The following RBFOX2 variants were observed in gnomAD, a reference collection of about 807,000 sequenced individuals.
RBFOX2 encodes the protein RNA binding protein fox-1 homolog 2.
Under a neutral mutation model 49.1 loss-of-function variants are expected in RBFOX2, and 10 were observed. That is an observed-to-expected ratio of 0.20 (90% CI 0.13 to 0.35). The LOEUF (loss-of-function observed/expected upper bound fraction) is 0.35. Among genes scored for constraint, RBFOX2 ranks in the 10% least tolerant of loss-of-function variants. The pLI, the probability that RBFOX2 is intolerant of heterozygous loss-of-function variation, is 1.00. For synonymous variants in RBFOX2, 183 were observed against 187.4 expected (o/e 0.98, Z 0.19); for missense variants, 323 against 486.9 (o/e 0.66, Z 3.17).
At chr22:35,854,487 C>T (rs1001593406) in intron 1 of RBFOX2, among the ~76,000 whole-genome samples, 1 of 151,490 alleles carries the variant, frequency 6.6e-6, no homozygotes, top group Admixed American at 6.6e-5. Context: ...CCACCTACTT[C>T]GGAGGCTGAG....
At chr22:35,872,286 G>A (rs961267227) in intron 1 of RBFOX2, among the ~76,000 whole-genome samples, 3 of 152,160 alleles carry the variant, frequency 2.0e-5, no homozygotes, top group Non-Finnish European at 1.5e-5. Context: ...GTGGGGCTCC[G>A]ACCCCATGAC....
At chr22:35,961,701 T>C (rs1049213822), upstream of RBFOX2, 17 of 1,300,912 alleles carry the variant, frequency 1.3e-5, no homozygotes, top group Admixed American at 1.4e-4. Context: ...TGCTTCCCTA[T>C]TGGCTTCATG....
intron 2 of RBFOX2, among the ~76,000 whole-genome samples, chr22:35,785,847 A>C (rs893085946): frequency 6.6e-6 from 1 of 152,254 alleles, no homozygotes; most frequent in Non-Finnish European, 1.5e-5. Context: ...ATCCCATTTA[A>C]AGATGAAACT....
At chr22:35,840,147 C>T (rs1399511260) in intron 1 of RBFOX2, 1 of 1,602,784 alleles carries the variant, frequency 6.2e-7, no homozygotes, top group African/African-American at 1.3e-5. Context: ...TTATTTAGAT[C>T]CCAGAGAGGA....
At chr22:35,840,746 A>T (rs1958632038), upstream of RBFOX2, among the ~76,000 whole-genome samples, 1 of 152,226 alleles carries the variant, frequency 6.6e-6, no homozygotes, top group African/African-American at 2.4e-5. Flanking sequence ...CACTGGAAGC[A>T]TTCATAGCAG....
chr22:35,859,645 T>C (rs2042904347), intron 1 of RBFOX2, among the ~76,000 whole-genome samples: 1 of 152,250 alleles, frequency 6.6e-6, no homozygotes, highest in South Asian at 2.1e-4. Context: ...AGACATGGCA[T>C]ACAAACTGTG....
intron 2 of RBFOX2, among the ~76,000 whole-genome samples, chr22:35,797,426 C>G (rs1367884078): frequency 6.6e-6 from 1 of 152,164 alleles, no homozygotes; most frequent in Non-Finnish European, 1.5e-5. Flanking sequence ...AACACAAGTG[C>G]TTTATGAATA....
intron 1 of RBFOX2, chr22:35,898,422 T>C: frequency 3.2e-6 from 1 of 316,090 alleles, no homozygotes; most frequent in Non-Finnish European, 5.9e-6. Flanking sequence ...CACAATCCTT[T>C]TTTTTTTTTT....
intron 1 of RBFOX2, among the ~76,000 whole-genome samples, chr22:35,952,107 G>A (rs962820143): frequency 7.9e-5 from 12 of 152,000 alleles, no homozygotes; most frequent in African/African-American, 2.4e-4. Context: ...ACCATCCCCA[G>A]CCAAAAAATC....
chr22:35,884,144 G>A (rs960694124), intron 1 of RBFOX2, among the ~76,000 whole-genome samples: 1 of 150,384 alleles, frequency 6.6e-6, no homozygotes, highest in Non-Finnish European at 1.5e-5. Context: ...CTACAGGCAC[G>A]CACCACCTTG....
At chr22:35,819,699 G>A (rs889751426) in intron 1 of RBFOX2, among the ~76,000 whole-genome samples, 2 of 152,096 alleles carry the variant, frequency 1.3e-5, no homozygotes, top group African/African-American at 2.4e-5. Context: ...ATGAAACAAC[G>A]ATGATTAAAA....
In RBFOX2 at chr22:35,820,727, CCAGTA is replaced by C. The variant is rs552653943; in HGVS notation, c.28-10728_28-10724del. 3.9e-4 allele frequency among the ~76,000 whole-genome samples: 60 copies of C among 152,136 alleles called. No homozygotes were observed. The East Asian group carries it at 8.7e-3, about 22-fold the overall frequency. On this transcript the variant is annotated intron_variant, in intron 1 of 11. Transcript: ENST00000405409. ...TTAAAGAAATAAAAGATGTTTCAAC[CCAGTA>C]GAGTATATAAGCAAACACAAAGTTC...
At chr22:35,865,471 T>G (rs2043566298) in intron 1 of RBFOX2, among the ~76,000 whole-genome samples, 1 of 152,026 alleles carries the variant, frequency 6.6e-6, no homozygotes, top group Admixed American at 6.6e-5. Context: ...CCTACACAGG[T>G]CCAAAAACCC....
intron 1 of RBFOX2, among the ~76,000 whole-genome samples, chr22:35,881,169 C>A (rs2045837719): frequency 6.6e-6 from 1 of 152,124 alleles, no homozygotes; most frequent in Non-Finnish European, 1.5e-5. Context: ...GAGGCTGAGG[C>A]AGGAGAATGG....
At chr22:35,924,837 T>C (rs958513431) in intron 1 of RBFOX2, among the ~76,000 whole-genome samples, 2 of 152,292 alleles carry the variant, frequency 1.3e-5, no homozygotes, top group Admixed American at 1.3e-4. Flanking sequence ...TGGTCAAACC[T>C]TTTCACCATA....
intron 1 of RBFOX2, among the ~76,000 whole-genome samples, chr22:35,846,592 C>CA (rs549635667): frequency 0.071 from 9,923 of 140,026 alleles, 402 homozygotes; most frequent in African/African-American, 0.12. Flanking sequence ...ATTAAAAATA[C>CA]AAAAAAAAAA....
chr22:36,008,044 G>A (rs2058683183), intron 1 of RBFOX2, among the ~76,000 whole-genome samples: 1 of 152,112 alleles, frequency 6.6e-6, no homozygotes, highest in African/African-American at 2.4e-5. Context: ...CCTGGAAGTG[G>A]AACTGTTGAG....
At chr22:35,828,947 A>G (rs1271135750) in intron 1 of RBFOX2, among the ~76,000 whole-genome samples, 2 of 152,162 alleles carry the variant, frequency 1.3e-5, no homozygotes. Context: ...GCTACTCGGG[A>G]GGCTGAGGCA....
chr22:35,758,779 T>A (rs184048870), intron 9 of RBFOX2, among the ~76,000 whole-genome samples: 13 of 152,316 alleles, frequency 8.5e-5, no homozygotes, highest in Non-Finnish European at 1.5e-5. Context: ...GTTTTAACTC[T>A]GTGGAATGGA....
Sources: allele counts gnomAD v4.1 joint callset (sites outside exome capture counted in the v4.1 genomes callset), GRCh38; gene constraint gnomAD v4.1.1; transcripts MANE v1.5; gene names NCBI Gene and HGNC (gene_info 2026-07-23, HGNC 2026-07-21).